CPNE3: variants seen among roughly 807,000 people sequenced by gnomAD.
The protein encoded by CPNE3 is copine 3.
A neutral mutation model predicts 63.9 loss-of-function variants in CPNE3; 68 were observed. The observed-to-expected ratio is 1.06, with a 90% confidence interval of 0.87 to 1.30. CPNE3 has a LOEUF of 1.30. Ranked by LOEUF, CPNE3 falls within the 50% of genes most tolerant of loss-of-function variation. CPNE3 has a pLI of 0.00. For synonymous variants in CPNE3, 219 were observed against 197.5 expected, an observed-to-expected ratio of 1.11 and a Z score of -0.91; for missense variants, 665 against 578.1, an observed-to-expected ratio of 1.15 and a Z score of -1.54.
At chr8:86,516,040 A>T (rs935595998) in intron 2 of CPNE3, among the ~76,000 whole-genome samples, 4 of 152,362 alleles carry the variant, frequency 2.6e-5, no homozygotes, top group Non-Finnish European at 5.9e-5. Flanking sequence ...CTTTGCGAGA[A>T]TTATTAATAG....
In CPNE3 at chr8:86,551,163, C is replaced by T. The variant is rs2885472; in HGVS notation, c.1069-20C>T. The T allele has an allele frequency of 2.3e-3, 3,632 of 1,613,420 alleles. 8 individuals are homozygous for T. The highest frequency in any genetic ancestry group is 4.2e-3 in the South Asian group (383 of 91,060). On this transcript the variant is annotated intron_variant, in intron 13 of 16. Coordinates refer to ENST00000517490, the MANE Select transcript of CPNE3 (RefSeq NM_003909.5). ...GAAAAGCAGCCCAGCCCTCATCAGT[C>T]CTTTGTCCATCTTTGACAGGTATCA...
chr8:86,528,425 A>G, intron 2 of CPNE3, 111 bp from the exon 3 acceptor site: 4 of 1,192,108 alleles, frequency 3.4e-6, no homozygotes, highest in Non-Finnish European at 4.8e-6. Context: ...AGTTCACTCT[A>G]TAAGCCTATT....
In CPNE3 at chr8:86,556,649, A is replaced by T. The variant is rs139209683; in HGVS notation, c.1491+311A>T. 4.6e-5 allele frequency among the ~76,000 whole-genome samples: 7 copies of T among 152,346 alleles called. No individual in the cohort carries two copies. The East Asian group carries it at 1.4e-3, about 29-fold the overall frequency. ...CAAATCCCCCTCAAGCTGGAAGTTTAGTTTGATGAATATCTCTTAGAAGAC... is the reference window on the plus strand; with the variant it reads ...CAAATCCCCCTCAAGCTGGAAGTTTTGTTTGATGAATATCTCTTAGAAGAC... On this transcript the variant is annotated intron_variant, in intron 16 of 16. Coordinates refer to ENST00000517490, the MANE Select transcript of CPNE3 (RefSeq NM_003909.5).
In CPNE3 at chr8:86,560,252, G is replaced by A. The variant is rs917782288; in HGVS notation, c.*1842G>A. 6.6e-6 allele frequency: 1 copy of A among 152,150 alleles called. No homozygotes were observed. The highest frequency in any genetic ancestry group is 2.4e-5 in the African/African-American group (1 of 41,432). 9.4% of individuals were successfully genotyped at this position (152,150 alleles called of 1,614,324 possible). A position where few individuals can be genotyped will look rare whatever the true frequency, so the allele number is the denominator to read the frequency against. On this transcript the variant is annotated 3_prime_UTR_variant, in exon 17 of 17. Coordinates refer to ENST00000517490, the MANE Select transcript of CPNE3 (RefSeq NM_003909.5). ...ATGTTCTAATTCTCTTTGTATGCTT[G>A]GAAACAGCATAGATATGTTGCTGTG...
At chr8:86,516,713 T>C (rs1284879696) in intron 2 of CPNE3, among the ~76,000 whole-genome samples, 2 of 152,206 alleles carry the variant, frequency 1.3e-5, no homozygotes, top group African/African-American at 4.8e-5. Context: ...GTATGGCTTA[T>C]CCATTGTTTC....
In CPNE3 at chr8:86,538,351, G is replaced by C. The variant is rs181950785; in HGVS notation, c.543+705G>C. ...GATCGCACCACTGCACTCCATCCCAGGCTACTGAGCGAGACTCCACCTCAA... is the reference window on the plus strand; with the variant it reads ...GATCGCACCACTGCACTCCATCCCACGCTACTGAGCGAGACTCCACCTCAA... On this transcript the variant is annotated intron_variant, in intron 7 of 16. Transcript: ENST00000517490. Among the ~76,000 whole-genome samples, 542 of 152,226 alleles carry C rather than the reference G, an allele frequency of 3.6e-3. 5 individuals are homozygous for C. The highest frequency in any genetic ancestry group is 6.5e-3 in the Non-Finnish European group (444 of 68,024).
chr8:86,558,366 C>G lies in CPNE3; in HGVS notation c.1570C>G (p.Leu524Val), dbSNP rs767594930. The change falls in exon 17 of 17, where the codon CTC becomes GTC. Residue 524 changes from leucine (L) to valine (V), a missense_variant. Physicochemically the swap from Leu to Val is conservative, Grantham distance 32. Coordinates refer to ENST00000517490, the MANE Select transcript of CPNE3 (RefSeq NM_003909.5). ...GGTGGGCTACTTCAATACATACAAACTCCTTCCTCCCAAGAACCCAGCCAC... is the reference window on the plus strand; with the variant it reads ...GGTGGGCTACTTCAATACATACAAAGTCCTTCCTCCCAAGAACCCAGCCAC... Reference protein sequence around the residue: ...QVVGYFNTYKLLPPKNPATKQ... With the variant: ...QVVGYFNTYKVLPPKNPATKQ... 1.1e-6 allele frequency: 1 copy of G among 872,952 alleles called. No homozygotes were observed. Among genetic ancestry groups the G allele is most frequent in the East Asian group, 2.4e-5 (1 of 41,698 alleles). The allele number at this position is 872,952 out of a possible 1,614,324, so 54.1% of individuals were successfully genotyped here.
In CPNE3 at chr8:86,560,075, T is replaced by C. The variant is rs1179665140; in HGVS notation, c.*1665T>C. 2.6e-5 allele frequency: 4 copies of C among 152,198 alleles called. No individual in the cohort carries two copies. The highest frequency in any genetic ancestry group is 9.7e-5 in the African/African-American group (4 of 41,444). 9.4% of individuals were successfully genotyped at this position (152,198 alleles called of 1,614,324 possible). ...ACCTTCCCACTTGGCTAGCTGTCCT[T>C]TGGATATGTGCTGTTAACTGGGGAA... On this transcript the variant is annotated 3_prime_UTR_variant, in exon 17 of 17. Coordinates refer to ENST00000517490, the MANE Select transcript of CPNE3 (RefSeq NM_003909.5).
chr8:86,543,388 C>T (rs1586843052), intron 8 of CPNE3, among the ~76,000 whole-genome samples: 1 of 152,080 alleles, frequency 6.6e-6, no homozygotes, highest in South Asian at 2.1e-4. Flanking sequence ...GAAAGACTTC[C>T]AGTTATGATA....
At position 86,548,338 on chromosome 8, in the gene CPNE3, G is replaced by C. The variant is rs758242295; in HGVS notation, c.917G>C (p.Arg306Thr). 6.2e-7 allele frequency: 1 copy of C among 1,614,050 alleles called. No individual in the cohort carries two copies. The highest frequency in any genetic ancestry group is 8.5e-7 in the Non-Finnish European group (1 of 1,179,990). Residue 306 changes from arginine to threonine, a missense_variant, in exon 12 of 17, where the codon AGG becomes ACG. By Grantham distance (71) the Arg-to-Thr change is moderately conservative. Transcript: ENST00000517490. ...TTCACTGGCTCCAATGGTGACCCAA[G>C]GTCTCCAGACTCCCTTCATTACATC... ...VDFTGSNGDP[R>T]SPDSLHYISP...
At chr8:86,539,660 GTT>G (rs369540210) in intron 7 of CPNE3, among the ~76,000 whole-genome samples, 2 of 108,148 alleles carry the variant, frequency 1.8e-5, no homozygotes, top group African/African-American at 3.8e-5. Flanking sequence ...ATCCTCCGCA[GTT>G]TTTTTTTTTT....
At chr8:86,516,125 G>A (rs1043952164) in intron 2 of CPNE3, among the ~76,000 whole-genome samples, 1 of 152,166 alleles carries the variant, frequency 6.6e-6, no homozygotes. Context: ...TCTGGGACTG[G>A]ATCATTTTGA....
intron 12 of CPNE3, among the ~76,000 whole-genome samples, 196 bp from the exon 13 acceptor site, chr8:86,550,850 C>T (rs976912184): frequency 4.6e-5 from 7 of 152,046 alleles, no homozygotes; most frequent in African/African-American, 1.2e-4. Flanking sequence ...CATTTTTCTT[C>T]CTCAGTGCAC....
At chr8:86,556,479 G>GGTTTA (rs1821329597) in intron 16 of CPNE3, 141 bp downstream of exon 16, 1 of 680,372 alleles carries the variant, frequency 1.5e-6, no homozygotes, top group Non-Finnish European at 2.7e-6. Context: ...GCTCCGATTT[G>GGTTTA]GTTTAGCAGT....
chr8:86,523,205 G>A (rs1433228783), intron 2 of CPNE3, among the ~76,000 whole-genome samples: 2 of 152,066 alleles, frequency 1.3e-5, no homozygotes, highest in Non-Finnish European at 2.9e-5. Flanking sequence ...TTCTCTCTTA[G>A]CCTTATTTAC....
intron 6 of CPNE3, among the ~76,000 whole-genome samples, chr8:86,533,973 G>A (rs929709026): frequency 3.3e-5 from 5 of 151,798 alleles, no homozygotes; most frequent in South Asian, 2.1e-4. Context: ...AAGTTTCCAC[G>A]TTCAAGTTGG....
rs771913451 is a variant in CPNE3, at chr8:86,556,233, C to T, written c.1386C>T (p.Ser462=). 17 of 873,044 alleles carry T rather than the reference C, an allele frequency of 1.9e-5. No homozygotes were observed. Among genetic ancestry groups the T allele is most frequent in the Middle Eastern group, 2.2e-4 (1 of 4,612 alleles). The allele number at this position is 873,044 out of a possible 1,614,324, so 54.1% of individuals were successfully genotyped here. The change falls in exon 16 of 17, where the codon AGC becomes AGT. Residue 462 remains serine (S), a synonymous_variant. Transcript: ENST00000517490. Reference sequence around the variant, plus strand: ...TTGGAGTTGGAGGTGCTGACTTCAGCGCCATGGAGTTTCTGGATGGTGATG... The same window carrying T: ...TTGGAGTTGGAGGTGCTGACTTCAGTGCCATGGAGTTTCTGGATGGTGATG... ...IIVGVGGADF[S]AMEFLDGDGG...
At chr8:86,531,295 C>A in intron 5 of CPNE3, 66 bp downstream of exon 5, 1 of 798,024 alleles carries the variant, frequency 1.3e-6, no homozygotes, top group Non-Finnish European at 2.2e-6. Flanking sequence ...CGAAACTGTC[C>A]ATATCAGAGA....
At chr8:86,534,371 G>T (rs1820754514) in intron 6 of CPNE3, among the ~76,000 whole-genome samples, 1 of 151,994 alleles carries the variant, frequency 6.6e-6, no homozygotes, top group Non-Finnish European at 1.5e-5. Context: ...TTAAGAGTCT[G>T]TAGGCCCGGT....
Sources: allele counts gnomAD v4.1 joint callset (sites outside exome capture counted in the v4.1 genomes callset), GRCh38; gene constraint gnomAD v4.1.1; transcripts MANE v1.5; gene names NCBI Gene and HGNC (gene_info 2026-07-23, HGNC 2026-07-21).